The following PDE1C variants were observed in gnomAD, a reference collection of about 807,000 sequenced individuals.
PDE1C encodes dual specificity calcium/calmodulin-dependent 3',5'-cyclic nucleotide phosphodiesterase 1C.
PDE1C carries 62 observed loss-of-function variants against 93.1 expected under a neutral mutation model. That is an observed-to-expected ratio of 0.67 (90% CI 0.54 to 0.82). PDE1C has a LOEUF of 0.82. Among genes scored for constraint, PDE1C ranks in the 40% least tolerant of loss-of-function variants. PDE1C has a pLI of 0.00. For synonymous variants in PDE1C, 325 were observed against 310.1 expected (o/e 1.05, Z -0.50); for missense variants, 742 against 884.6 (o/e 0.84, Z 2.04).
intron 6 of PDE1C, among the ~76,000 whole-genome samples, chr7:31,868,052 C>T (rs1795511610): frequency 6.6e-6 from 1 of 152,136 alleles, no homozygotes; most frequent in African/African-American, 2.4e-5. Flanking sequence ...AAAAGTCTTC[C>T]CATGTGAAAG....
chr7:32,401,310 G>A (rs193101482), intron 1 of PDE1C, among the ~76,000 whole-genome samples: 11 of 152,162 alleles, frequency 7.2e-5, no homozygotes, highest in Admixed American at 1.3e-4. Context: ...AGGCCGAGGC[G>A]GGCAGATCAT....
chr7:32,336,374 G>C (rs1783625341), intron 1 of PDE1C, among the ~76,000 whole-genome samples: 2 of 152,186 alleles, frequency 1.3e-5, no homozygotes, highest in South Asian at 4.1e-4. Context: ...ATTAGAGAGA[G>C]ATTGTTTATA....
intron 12 of PDE1C, 40 bp downstream of exon 12, chr7:31,828,252 C>T (rs147328505): frequency 0.012 from 17,933 of 1,535,126 alleles, 141 homozygotes; most frequent in Non-Finnish European, 0.014. Context: ...TACAGGCTTC[C>T]TGCTTTGGTG....
intron 2 of PDE1C, among the ~76,000 whole-genome samples, chr7:31,898,145 A>G (rs904721193): frequency 6.6e-6 from 1 of 152,092 alleles, no homozygotes; most frequent in Non-Finnish European, 1.5e-5. Flanking sequence ...AGTATTTCAC[A>G]AATACCTATC....
Position 32,271,910 on chromosome 7 carries a change from G to A in PDE1C, c.85+26741C>T, listed in dbSNP as rs543537223. Among the ~76,000 whole-genome samples, 3 of 152,180 alleles carry A rather than the reference G, an allele frequency of 2.0e-5. No individual in the cohort carries two copies. The South Asian group carries it at 6.2e-4, about 32-fold the overall frequency. On this transcript the variant is annotated intron_variant, in intron 1 of 18. Coordinates refer to the PDE1C transcript ENST00000396193. ...GGGAAGACTTTGGGGAGATAAACTG[G>A]GCTGTCTTGCTTAGGAACTCCTGGG...
At chr7:31,648,375 T>C in the PDE1C span, among the ~76,000 whole-genome samples, 53 of 152,302 alleles carry the variant, frequency 3.5e-4, no homozygotes, top group African/African-American at 1.3e-3. Context: ...CACTCTATTT[T>C]TGAGGGTTTT....
chr7:32,068,805 T>C (rs1255111021), intron 1 of PDE1C, among the ~76,000 whole-genome samples: 1 of 152,230 alleles, frequency 6.6e-6, no homozygotes, highest in Admixed American at 6.5e-5. Context: ...TGAATCCCTC[T>C]AGTCAGCATG....
chr7:32,150,320 A>G (rs1413766412), intron 3 of PDE1C, among the ~76,000 whole-genome samples: 1 of 152,180 alleles, frequency 6.6e-6, no homozygotes, highest in Non-Finnish European at 1.5e-5. Context: ...CTCAGTGATA[A>G]AGAGCCTAGA....
intron 6 of PDE1C, among the ~76,000 whole-genome samples, chr7:31,868,554 T>A (rs1028499567): frequency 9.2e-5 from 14 of 152,034 alleles, no homozygotes; most frequent in African/African-American, 3.4e-4. Context: ...TGGACCACCA[T>A]TAAACAACCA....
chr7:31,749,057 TG>T (rs1310160963), downstream of PDE1C, among the ~76,000 whole-genome samples: 1 of 152,174 alleles, frequency 6.6e-6, no homozygotes, highest in Non-Finnish European at 1.5e-5. Context: ...CCTTCTATCC[TG>T]CAGGGACAAG....
intron 1 of PDE1C, among the ~76,000 whole-genome samples, chr7:32,274,902 TATA>T (rs1206119263): frequency 1.3e-5 from 2 of 152,250 alleles, no homozygotes; most frequent in Admixed American, 1.3e-4. Flanking sequence ...AGGACATGCA[TATA>T]ATGTTTTTAA....
chr7:32,188,214 T>TGG (rs35087181), intron 2 of PDE1C, among the ~76,000 whole-genome samples: 33,169 of 150,274 alleles, frequency 0.22, 3,943 homozygotes, highest in East Asian at 0.5. Context: ...TATATGAAAT[T>TGG]GGGGGGGGAT....
intron 16 of PDE1C, among the ~76,000 whole-genome samples, chr7:31,778,860 C>T (rs566873669): frequency 4.3e-4 from 65 of 152,272 alleles, no homozygotes; most frequent in Non-Finnish European, 7.5e-4. Flanking sequence ...AGGAACTTGA[C>T]TAATGTTACT....
Position 32,027,741 on chromosome 7 carries a change from C to CAA in PDE1C, c.128+23811_128+23812dup, listed in dbSNP as rs58171528. Among the ~76,000 whole-genome samples, 370 of 142,824 alleles carry CAA rather than the reference C, an allele frequency of 2.6e-3. 2 individuals carry two copies. Among genetic ancestry groups the CAA allele is most frequent in the Middle Eastern group, 0.014 (4 of 284 alleles). 93.7% of individuals were successfully genotyped at this position (142,824 alleles called of 152,430 possible). A position where few individuals can be genotyped will look rare whatever the true frequency, so the allele number is the denominator to read the frequency against. On this transcript the variant is annotated intron_variant, in intron 2 of 17. Transcript: ENST00000396191. ...TTATGAGCTGCGTTACAAATGACTG[C>CAA]AAAAAAAAAAACTTTTAAAAAAATC... is the stretch of plus-strand genomic sequence containing the variant.
chr7:32,060,234 T>A lies in PDE1C; in HGVS notation c.102-8654A>T, dbSNP rs1004447956. 2.0e-5 allele frequency among the ~76,000 whole-genome samples: 3 copies of A among 152,180 alleles called. No individual in the cohort carries two copies. In the East Asian group the frequency reaches 5.8e-4, roughly 29 times the overall value. On this transcript the variant is annotated intron_variant, in intron 1 of 17. Coordinates refer to ENST00000396191, the MANE Select transcript of PDE1C (RefSeq NM_001191057.4). ...ACAAAAACTGTAATCTTCTGCTGAA[T>A]TTCACTTCAATGTCAGTCTAATTTT...
chr7:31,968,458 G>C (rs9632562), intron 2 of PDE1C, among the ~76,000 whole-genome samples: 22,345 of 151,782 alleles, frequency 0.15, 1,907 homozygotes, highest in African/African-American at 0.23. Flanking sequence ...TGAAATAAAA[G>C]AGGATACAAA....
intron 1 of PDE1C, among the ~76,000 whole-genome samples, chr7:32,359,061 C>A (rs1257217295): frequency 6.6e-6 from 1 of 152,154 alleles, no homozygotes; most frequent in Non-Finnish European, 1.5e-5. Context: ...TGATATCTGA[C>A]GCCCTTGATA....
At chr7:32,343,242 TCTTTA>T (rs1783792145) in intron 1 of PDE1C, among the ~76,000 whole-genome samples, 1 of 152,228 alleles carries the variant, frequency 6.6e-6, no homozygotes, top group Admixed American at 6.5e-5. Flanking sequence ...GGATGTTTTC[TCTTTA>T]CATTTAAACG....
chr7:32,217,933 C>T (rs1225577272), intron 1 of PDE1C, among the ~76,000 whole-genome samples: 6 of 152,204 alleles, frequency 3.9e-5, no homozygotes, highest in African/African-American at 9.7e-5. Context: ...TGTTAAAATG[C>T]ACATTAATTG....
Sources: gnomAD v4.1 joint callset for allele counts (sites outside exome capture counted in the v4.1 genomes callset) on GRCh38, gnomAD v4.1.1 for gene constraint, MANE v1.5 for transcripts, NCBI Gene and HGNC (gene_info 2026-07-23, HGNC 2026-07-21) for gene names.